The following TCERG1 variants were observed in gnomAD, a reference collection of about 807,000 sequenced individuals.
The protein encoded by TCERG1 is transcription elongation regulator 1.
In TCERG1, 37 loss-of-function variants were observed where a neutral mutation model predicts 144.7. The observed-to-expected ratio is 0.26, with a 90% CI of 0.20 to 0.34. TCERG1 has a LOEUF of 0.34. TCERG1 is among the 10% of genes least tolerant of loss of function. The pLI is 1.00. For missense variants in TCERG1, 1,027 were observed against 1,380.7 expected (o/e 0.74, Z 4.06); for synonymous variants, 492 against 458.2 (o/e 1.07, Z -0.94).
intron 18 of TCERG1, 94 bp downstream of exon 18, chr5:146,503,633 G>T: frequency 2.7e-6 from 4 of 1,475,704 alleles, no homozygotes; most frequent in East Asian, 4.6e-5. Flanking sequence ...TCTATTGGGG[G>T]TTTGGATTTT....
intron 2 of TCERG1, among the ~76,000 whole-genome samples, chr5:146,456,857 G>C (rs763856116): frequency 6.6e-6 from 1 of 152,046 alleles, no homozygotes; most frequent in Non-Finnish European, 1.5e-5. Context: ...GATGTGCCTG[G>C]TATTAAAACA....
At chr5:146,476,153 A>T (rs1014197753) in intron 9 of TCERG1, among the ~76,000 whole-genome samples, 2 of 152,120 alleles carry the variant, frequency 1.3e-5, no homozygotes, top group Admixed American at 6.6e-5. Context: ...TGGGAAGTGG[A>T]TAGTTTGCAA....
At chr5:146,452,099 T>A (rs1762407947) in intron 1 of TCERG1, among the ~76,000 whole-genome samples, 1 of 152,152 alleles carries the variant, frequency 6.6e-6, no homozygotes, top group Admixed American at 6.5e-5. Flanking sequence ...AAATTGGTTC[T>A]TTATTAGGAT....
chr5:146,494,914 A>G (rs1468955357), intron 16 of TCERG1, among the ~76,000 whole-genome samples: 2 of 152,066 alleles, frequency 1.3e-5, no homozygotes, highest in East Asian at 1.9e-4. Context: ...CTTCCAAAAT[A>G]TTTTTTATCC....
rs1264335141 is a variant in TCERG1, at chr5:146,470,659, G to A, written c.1423G>A (p.Glu475Lys). ...AGAAAAGTTAGAAGAGAAGATTAAA[G>A]AGCCAATTAAAGAACCCTCTGAAGA... The part of the protein sequence containing the change: ...EKEKLEEKIK[E>K]PIKEPSEEPL... The change falls in exon 8 of 23, where the codon GAG becomes AAG. Residue 475 changes from glutamate to lysine, a missense_variant. Around this residue, in one of 6 missense-constraint regions of TCERG1, gnomAD observed 482 missense variants for 632.6 expected, o/e 0.76. Coordinates refer to ENST00000679501, the MANE Select transcript of TCERG1 (RefSeq NM_001382548.1). 6.2e-7 allele frequency: 1 copy of A among 1,607,564 alleles called. No individual in the cohort carries two copies. Among genetic ancestry groups the A allele is most frequent in the East Asian group, 2.2e-5 (1 of 44,818 alleles).
rs1768410825 is a variant in TCERG1, at chr5:146,510,914, G to A, written c.*272G>A. On this transcript the variant is annotated 3_prime_UTR_variant, in exon 23 of 23. Coordinates refer to ENST00000679501, the MANE Select transcript of TCERG1 (RefSeq NM_001382548.1). Reference sequence around the variant, plus strand: ...ATTCATCCTTTTATGAGGTGTGGAAGTCAGTGACTTGGTGACGTTCTTCCT... The same window carrying A: ...ATTCATCCTTTTATGAGGTGTGGAAATCAGTGACTTGGTGACGTTCTTCCT... The A allele has an allele frequency of 3.9e-6, 1 of 257,150 alleles. No homozygotes were observed. Among genetic ancestry groups the A allele is most frequent in the Admixed American group, 5.3e-5 (1 of 18,692 alleles). The allele number at this position is 257,150 out of a possible 1,614,324, so 15.9% of individuals were successfully genotyped here.
chr5:146,460,856 G>T (rs758652589), intron 4 of TCERG1, among the ~76,000 whole-genome samples: 15 of 152,192 alleles, frequency 9.9e-5, no homozygotes, highest in Admixed American at 8.5e-4. Context: ...TAGCTAGTCT[G>T]TTAAGGGTTG....
chr5:146,482,132 C>T (rs1765414881), intron 13 of TCERG1: 1 of 152,122 alleles, frequency 6.6e-6, no homozygotes, highest in Admixed American at 6.5e-5. Flanking sequence ...CCACTTAATA[C>T]CAATTTTTAT....
At chr5:146,448,746 A>C (rs1310045143) in intron 1 of TCERG1, among the ~76,000 whole-genome samples, 1 of 152,234 alleles carries the variant, frequency 6.6e-6, no homozygotes, top group Admixed American at 6.5e-5. Flanking sequence ...GAAATCCTTT[A>C]AACTCCATAT....
Position 146,459,093 on chromosome 5 carries a change from G to GGCCCAGGCCCAGGCCCAAGCCCAA in TCERG1, c.663_686dup (p.Ala235_Gln242dup). On this transcript the variant is annotated inframe_insertion, in exon 4 of 23. Transcript: ENST00000679501. ...AGGCTCAGGCCCAGGCCCAGGCCCA[G>GGCCCAGGCCCAGGCCCAAGCCCAA]GCCCAGGCCCAGGCCCAAGCCCAAG... The GGCCCAGGCCCAGGCCCAAGCCCAA allele has an allele frequency of 1.1e-5, 17 of 1,559,934 alleles. No individual in the cohort carries two copies. In the Admixed American group the frequency reaches 1.9e-4, roughly 17 times the overall value.
At position 146,507,821 on chromosome 5, in the gene TCERG1, C is replaced by T; in HGVS notation, c.2962-52C>T. 1 of 1,315,204 alleles carries T rather than the reference C, an allele frequency of 7.6e-7. No individual in the cohort carries two copies. The highest frequency in any genetic ancestry group is 1.1e-6 in the Non-Finnish European group (1 of 931,218). The allele number at this position is 1,315,204 out of a possible 1,614,324, so 81.5% of individuals were successfully genotyped here. A position where few individuals can be genotyped will look rare whatever the true frequency, so the allele number is the denominator to read the frequency against. On this transcript the variant is annotated intron_variant, in intron 20 of 22. Coordinates refer to ENST00000679501, the MANE Select transcript of TCERG1 (RefSeq NM_001382548.1). This position sits in a 1 kb window ranked among gnomAD's most constrained non-coding sequence, Gnocchi z 4.6. ...TGTACCTATGTGCTGCAGTTTGACT[C>T]CCTAAGTAAAAGTGAGTTGTATTTA...
At chr5:146,448,982 T>C (rs556395822) in intron 1 of TCERG1, among the ~76,000 whole-genome samples, 1 of 152,354 alleles carries the variant, frequency 6.6e-6, no homozygotes, top group South Asian at 2.1e-4. Context: ...CTGATTTGAA[T>C]AGAGCTTTAA....
At chr5:146,451,949 G>A (rs1762396592) in intron 1 of TCERG1, among the ~76,000 whole-genome samples, 1 of 151,436 alleles carries the variant, frequency 6.6e-6, no homozygotes, top group Admixed American at 6.6e-5. Context: ...CACCATGCTT[G>A]GCTGATTTTT....
intron 22 of TCERG1, chr5:146,510,009 C>A: frequency 7.9e-7 from 1 of 1,268,256 alleles, no homozygotes; most frequent in Non-Finnish European, 1.0e-6. Context: ...TAATGTTTTG[C>A]ATCAGCTTGG....
Position 146,463,644 on chromosome 5 carries a change from T to C in TCERG1, c.986T>C (p.Val329Ala), listed in dbSNP as rs184611275. The change falls in exon 5 of 23, where the codon GTG becomes GCG. Residue 329 changes from valine (V) to alanine (A), a missense_variant. Coordinates refer to ENST00000679501, the MANE Select transcript of TCERG1 (RefSeq NM_001382548.1). ...VSTPAPTATP[V>A]QTVPQPHPQT... is the part of the protein sequence containing the mutation. ...ACTCCTGCTCCTACAGCCACACCTG[T>C]GCAAACCGTTCCCCAGCCGCACCCT... is the stretch of plus-strand genomic sequence containing the variant. 1.4e-4 allele frequency: 227 copies of C among 1,614,176 alleles called. 1 individual carries two copies. Among genetic ancestry groups the C allele is most frequent in the Non-Finnish European group, 1.0e-4 (120 of 1,180,038 alleles).
intron 1 of TCERG1, among the ~76,000 whole-genome samples, chr5:146,449,032 G>T (rs545303296): frequency 5.9e-5 from 9 of 152,236 alleles, no homozygotes; most frequent in African/African-American, 2.2e-4. Context: ...ATTTTATACC[G>T]TAGCCTCTTG....
At chr5:146,470,017 A>G (rs983212229) in intron 7 of TCERG1, among the ~76,000 whole-genome samples, 2 of 152,162 alleles carry the variant, frequency 1.3e-5, no homozygotes, top group Non-Finnish European at 2.9e-5. Context: ...TTCTAATTAT[A>G]TTGCATAATT....
At chr5:146,480,742 A>G (rs1330118692) in intron 12 of TCERG1, among the ~76,000 whole-genome samples, 2 of 152,124 alleles carry the variant, frequency 1.3e-5, no homozygotes, top group East Asian at 3.9e-4. Context: ...CCTTATCTGA[A>G]AAGGACAGAT....
intron 9 of TCERG1, among the ~76,000 whole-genome samples, chr5:146,472,496 CA>C (rs1482522150): frequency 6.6e-6 from 1 of 152,122 alleles, no homozygotes; most frequent in African/African-American, 2.4e-5. Flanking sequence ...TGGGGTGCCA[CA>C]AACCACACCC....
Sources: gnomAD v4.1 joint callset for allele counts (sites outside exome capture counted in the v4.1 genomes callset) on GRCh38, gnomAD v4.1.1 for gene constraint, gnomAD v4.1.1 regional missense constraint, Gnocchi (gnomAD v3.1) non-coding constraint, MANE v1.5 for transcripts, NCBI Gene and HGNC (gene_info 2026-07-23, HGNC 2026-07-21) for gene names.